Variants in STX8 observed in about 807,000 individuals in gnomAD.
STX8 encodes the protein syntaxin 8, also known as syntaxin-8.
In STX8, 23 loss-of-function variants were observed where a neutral mutation model predicts 37.5. The observed-to-expected ratio is 0.61, with a 90% CI of 0.44 to 0.87. The LOEUF (loss-of-function observed/expected upper bound fraction) is 0.87. STX8 is among the 40% of genes least tolerant of loss of function. The probability of loss-of-function intolerance (pLI) is 0.00; values close to 1 mark genes in which losing one functional copy is unlikely to be tolerated. For synonymous variants in STX8, 115 were observed against 99.1 expected (o/e 1.16, Z -0.95); for missense variants, 313 against 284.7 (o/e 1.10, Z -0.71).
chr17:9,546,479 C>T (rs373766986), intron 3 of STX8, among the ~76,000 whole-genome samples: 2 of 542 alleles, frequency 3.7e-3, no homozygotes, highest in Non-Finnish European at 0.01. Flanking sequence ...GAATGCGGCG[C>T]GTGCGCATGA....
intron 7 of STX8, among the ~76,000 whole-genome samples, chr17:9,347,813 C>A (rs1350620628): frequency 6.6e-6 from 1 of 152,222 alleles, no homozygotes; most frequent in African/African-American, 2.4e-5. Flanking sequence ...CTCCCCAGTC[C>A]CTGGCAATCA....
chr17:9,535,645 G>T (rs1012184075), intron 4 of STX8, among the ~76,000 whole-genome samples: 6 of 151,724 alleles, frequency 4.0e-5, no homozygotes, highest in Admixed American at 3.3e-4. Flanking sequence ...TGTTAGCCAG[G>T]ATGGTCTCAA....
At chr17:9,413,924 A>T (rs1270604448) in intron 6 of STX8, among the ~76,000 whole-genome samples, 1 of 144,674 alleles carries the variant, frequency 6.9e-6, no homozygotes, top group Non-Finnish European at 1.5e-5. Context: ...CTAACCGTCC[A>T]TCCACCCATC....
At chr17:9,400,352 C>T (rs780274994) in intron 6 of STX8, among the ~76,000 whole-genome samples, 1 of 151,986 alleles carries the variant, frequency 6.6e-6, no homozygotes, top group Middle Eastern at 3.4e-3. Context: ...CCGCCTGCCT[C>T]AGCCTCCAAA....
In STX8 at chr17:9,334,217, C is replaced by G. The variant is rs536761447; in HGVS notation, c.643+44335G>C. The stretch of plus-strand genomic sequence containing the variant: ...ATCTGGGTGGTGCCGGTTGATCCAT[C>G]AAGGGTAGAGTCTGGAAACCATCTC... On this transcript the variant is annotated intron_variant, in intron 7 of 7. Transcript: ENST00000306357. Among the ~76,000 whole-genome samples the G allele has an allele frequency of 1.6e-4, 24 of 151,942 alleles. No homozygotes were observed. The East Asian group carries it at 4.5e-3, about 28-fold the overall frequency.
At chr17:9,467,597 CAG>C (rs1311540950) in intron 6 of STX8, among the ~76,000 whole-genome samples, 9 of 152,176 alleles carry the variant, frequency 5.9e-5, no homozygotes, top group Admixed American at 5.2e-4. Context: ...GAAGAGGAAA[CAG>C]GGAAGAAAAG....
chr17:9,514,767 T>C (rs1343542666), intron 4 of STX8, among the ~76,000 whole-genome samples: 1 of 152,212 alleles, frequency 6.6e-6, no homozygotes, highest in Non-Finnish European at 1.5e-5. Flanking sequence ...TCTTCTAGCC[T>C]TGTTCACATC....
At chr17:9,355,409 A>G (rs889968762) in intron 7 of STX8, among the ~76,000 whole-genome samples, 1 of 143,376 alleles carries the variant, frequency 7.0e-6, no homozygotes, top group African/African-American at 2.6e-5. Context: ...ATCACAGCTC[A>G]CTGCAGCCTT....
chr17:9,293,813 G>C (rs1181119352), intron 7 of STX8, among the ~76,000 whole-genome samples: 1 of 151,284 alleles, frequency 6.6e-6, no homozygotes, highest in Non-Finnish European at 1.5e-5. Flanking sequence ...CCAGGCTGGA[G>C]TGCAGCGGCA....
chr17:9,458,801 G>A (rs983669401), intron 6 of STX8, among the ~76,000 whole-genome samples: 29 of 151,528 alleles, frequency 1.9e-4, no homozygotes, highest in African/African-American at 6.8e-4. Flanking sequence ...GGTCTGATCA[G>A]GCGACAGAAA....
intron 4 of STX8, among the ~76,000 whole-genome samples, chr17:9,527,267 G>C (rs754370187): frequency 6.8e-6 from 1 of 146,940 alleles, no homozygotes. Context: ...AACAGAGAGA[G>C]ACCCTGTCTC....
At chr17:9,486,598 C>G (rs1265127061) in intron 6 of STX8, among the ~76,000 whole-genome samples, 1 of 152,126 alleles carries the variant, frequency 6.6e-6, no homozygotes, top group Non-Finnish European at 1.5e-5. Context: ...AGCCTGTAGT[C>G]CCAATACTTT....
At chr17:9,339,392 C>T (rs569401187) in intron 7 of STX8, among the ~76,000 whole-genome samples, 6 of 152,176 alleles carry the variant, frequency 3.9e-5, no homozygotes, top group East Asian at 3.9e-4. Flanking sequence ...CAGTGGCTCA[C>T]GCCTGTAATC....
chr17:9,556,153 T>C (rs1019579801), intron 3 of STX8, among the ~76,000 whole-genome samples: 2 of 152,220 alleles, frequency 1.3e-5, no homozygotes, highest in Non-Finnish European at 2.9e-5. Context: ...AAGCCAACTT[T>C]CCTGGTGATA....
intron 6 of STX8, among the ~76,000 whole-genome samples, chr17:9,476,774 C>T (rs970076223): frequency 6.6e-6 from 1 of 151,992 alleles, no homozygotes; most frequent in Non-Finnish European, 1.5e-5. Context: ...CTTCTGAGGC[C>T]TCTTTCCTTG....
In STX8 at chr17:9,561,528, G is replaced by C. The variant is rs543267047; in HGVS notation, c.118-4000C>G. ...ACAATAATTAGCCAGGCGTGGTGGC[G>C]GGTGCCTGTAATCCCAGCTACTTGG... On this transcript the variant is annotated intron_variant, in intron 2 of 7. Coordinates refer to ENST00000306357, the MANE Select transcript of STX8 (RefSeq NM_004853.3). Among the ~76,000 whole-genome samples the C allele has an allele frequency of 2.0e-5, 3 of 151,578 alleles. No homozygotes were observed. In the South Asian group the frequency reaches 6.3e-4, roughly 32 times the overall value.
At chr17:9,542,229 G>A (rs1023460373) in intron 4 of STX8, among the ~76,000 whole-genome samples, 4 of 151,882 alleles carry the variant, frequency 2.6e-5, no homozygotes, top group South Asian at 4.2e-4. Flanking sequence ...GTGGTAGTGC[G>A]TGCCTGTGAT....
At chr17:9,297,687 G>GCAAGA (rs987412760) in intron 7 of STX8, among the ~76,000 whole-genome samples, 1 of 152,106 alleles carries the variant, frequency 6.6e-6, no homozygotes, top group Non-Finnish European at 1.5e-5. Flanking sequence ...GGGCAACACG[G>GCAAGA]CAAGACCCTA....
At chr17:9,555,185 A>C (rs1906917267) in intron 3 of STX8, 1 of 152,166 alleles carries the variant, frequency 6.6e-6, no homozygotes, top group Admixed American at 6.5e-5. Context: ...TTTGATGCTT[A>C]CTGCTTAATT....
Sources: allele counts gnomAD v4.1 joint callset (sites outside exome capture counted in the v4.1 genomes callset), GRCh38; gene constraint gnomAD v4.1.1; transcripts MANE v1.5; gene names NCBI Gene and HGNC (gene_info 2026-07-23, HGNC 2026-07-21).